The following LRRTM4 variants were observed in gnomAD, a reference collection of about 807,000 sequenced individuals.
The protein encoded by LRRTM4 is leucine-rich repeat transmembrane neuronal protein 4.
A neutral mutation model predicts 47.6 loss-of-function variants in LRRTM4; 25 were observed. The ratio of observed to expected loss-of-function variants is 0.53; its 90% CI spans 0.38 to 0.73. The LOEUF is 0.73. Ranked by LOEUF, LRRTM4 falls within the 30% of genes least tolerant of loss-of-function variation. The pLI, the probability that LRRTM4 is intolerant of heterozygous loss-of-function variation, is 0.00. For synonymous variants in LRRTM4, 311 were observed against 269.5 expected (o/e 1.15, Z -1.51); for missense variants, 638 against 713.4 (o/e 0.89, Z 1.20).
intron 3 of LRRTM4, among the ~76,000 whole-genome samples, chr2:77,228,465 T>A (rs1007424454): frequency 2.6e-5 from 4 of 152,156 alleles, no homozygotes; most frequent in East Asian, 3.9e-4. Flanking sequence ...AGGCATTTAA[T>A]CTTAAGCCTC....
At chr2:76,897,148 G>C (rs1457280401) in intron 3 of LRRTM4, among the ~76,000 whole-genome samples, 3 of 152,240 alleles carry the variant, frequency 2.0e-5, no homozygotes, top group South Asian at 2.1e-4. Context: ...CTGAGAACTT[G>C]TGATGACAAG....
At chr2:77,335,119 T>C (rs1251105370) in intron 3 of LRRTM4, among the ~76,000 whole-genome samples, 1 of 152,184 alleles carries the variant, frequency 6.6e-6, no homozygotes, top group Non-Finnish European at 1.5e-5. Context: ...TTAATTTGGA[T>C]GTTATATCAT....
intron 3 of LRRTM4, among the ~76,000 whole-genome samples, chr2:77,346,592 A>G (rs1671570455): frequency 6.6e-6 from 1 of 152,148 alleles, no homozygotes. Flanking sequence ...TATTCCTTAA[A>G]GTTTTTCAAA....
intron 3 of LRRTM4, among the ~76,000 whole-genome samples, chr2:77,492,261 T>C (rs1234799011): frequency 5.3e-5 from 8 of 152,192 alleles, no homozygotes; most frequent in Non-Finnish European, 8.8e-5. Flanking sequence ...ATATATGTTT[T>C]GTTTTGTTTC....
chr2:77,432,511 AT>A (rs1322602753), intron 3 of LRRTM4, among the ~76,000 whole-genome samples: 1 of 152,270 alleles, frequency 6.6e-6, no homozygotes, highest in African/African-American at 2.4e-5. Flanking sequence ...GGTTTATCTC[AT>A]TCATTCAATT....
chr2:77,480,827 GAGAGAGAGAGAGAGAGAGAGAGAGA>G (rs1428745072), intron 3 of LRRTM4, among the ~76,000 whole-genome samples: 2 of 51,424 alleles, frequency 3.9e-5, no homozygotes, highest in African/African-American at 1.2e-4. Context: ...TGTGTGGAGA[GAGAGAGAGAGAGAGAGAGAGAGAGA>G]GAGAGAGAGA....
intron 3 of LRRTM4, among the ~76,000 whole-genome samples, chr2:77,326,588 GTCTC>G (rs926578649): frequency 2.1e-4 from 32 of 152,082 alleles, no homozygotes; most frequent in African/African-American, 7.5e-4. Flanking sequence ...TAGAGACAGG[GTCTC>G]TCTATTTTGC....
intron 3 of LRRTM4, among the ~76,000 whole-genome samples, chr2:76,883,422 C>CT (rs1460735558): frequency 1.3e-5 from 2 of 152,190 alleles, no homozygotes; most frequent in Non-Finnish European, 2.9e-5. Context: ...ACCTTTAGCA[C>CT]TTTCCCAGCC....
intron 3 of LRRTM4, among the ~76,000 whole-genome samples, chr2:76,951,599 C>G (rs1393932146): frequency 6.6e-6 from 1 of 151,922 alleles, no homozygotes; most frequent in Non-Finnish European, 1.5e-5. Flanking sequence ...AATTGCTGCT[C>G]AAACCTTCAG....
intron 3 of LRRTM4, among the ~76,000 whole-genome samples, chr2:77,235,975 T>TA (rs1432308433): frequency 3.9e-5 from 6 of 152,168 alleles, no homozygotes; most frequent in Admixed American, 1.3e-4. Flanking sequence ...CTTTTGTTTT[T>TA]AAGTAGGATT....
intron 3 of LRRTM4, among the ~76,000 whole-genome samples, chr2:77,046,634 C>T (rs1679245506): frequency 6.6e-6 from 1 of 151,876 alleles, no homozygotes. Context: ...ATTCATTTTA[C>T]TCAGAGGAAG....
chr2:77,148,873 G>T (rs903731293), intron 3 of LRRTM4, among the ~76,000 whole-genome samples: 1 of 152,108 alleles, frequency 6.6e-6, no homozygotes, highest in Non-Finnish European at 1.5e-5. Flanking sequence ...TCTGCCTTTA[G>T]TTCTCATATG....
intron 3 of LRRTM4, among the ~76,000 whole-genome samples, chr2:77,021,102 CTATCTATG>C (rs1185291649): frequency 1.5e-5 from 2 of 130,438 alleles, no homozygotes; most frequent in Admixed American, 7.9e-5. Flanking sequence ...CTGTATCTAT[CTATCTATG>C]TATCTATCTA....
At chr2:77,009,018 TCA>T (rs1677770982) in intron 3 of LRRTM4, 1 of 151,954 alleles carries the variant, frequency 6.6e-6, no homozygotes, top group South Asian at 2.1e-4. Context: ...CTCTTTTCAT[TCA>T]CAGAGTGTGA....
chr2:77,289,584 G>A (rs994721898), intron 3 of LRRTM4, among the ~76,000 whole-genome samples: 5 of 151,938 alleles, frequency 3.3e-5, no homozygotes, highest in African/African-American at 1.2e-4. Context: ...AAATATGTTA[G>A]TGGTTTTTTT....
At chr2:77,054,266 C>T (rs1679531890) in intron 3 of LRRTM4, among the ~76,000 whole-genome samples, 1 of 151,352 alleles carries the variant, frequency 6.6e-6, no homozygotes, top group African/African-American at 2.5e-5. Context: ...TAATGGTTTC[C>T]AGCAAACTCT....
chr2:77,348,972 A>G (rs924878355), intron 3 of LRRTM4, among the ~76,000 whole-genome samples: 1 of 151,996 alleles, frequency 6.6e-6, no homozygotes, highest in Admixed American at 6.5e-5. Context: ...ATAGAAGACC[A>G]TTAAAACTGA....
chr2:76,809,823 A>G (rs1057457073), intron 3 of LRRTM4, among the ~76,000 whole-genome samples: 1 of 152,124 alleles, frequency 6.6e-6, no homozygotes, highest in Non-Finnish European at 1.5e-5. Context: ...ATCCTTGGAC[A>G]TGCTGAGCTT....
intron 3 of LRRTM4, among the ~76,000 whole-genome samples, chr2:77,476,496 C>T (rs62162634): frequency 0.023 from 3,543 of 151,994 alleles, 56 homozygotes; most frequent in Non-Finnish European, 0.034. Flanking sequence ...TCTTTGATAA[C>T]TCATATATCA....
Sources: allele counts gnomAD v4.1 joint callset (sites outside exome capture counted in the v4.1 genomes callset), GRCh38; gene constraint gnomAD v4.1.1; transcripts MANE v1.5; gene names NCBI Gene and HGNC (gene_info 2026-07-23, HGNC 2026-07-21).